Variants in DPP6 observed in about 807,000 individuals in gnomAD.
DPP6 encodes the protein dipeptidyl peptidase like 6, also known as A-type potassium channel modulatory protein DPP6.
Under a neutral mutation model 122.6 loss-of-function variants are expected in DPP6, and 69 were observed. The ratio of observed to expected loss-of-function variants is 0.56; its 90% confidence interval spans 0.46 to 0.69. The LOEUF (loss-of-function observed/expected upper bound fraction) is 0.69. DPP6 is among the 30% of genes least tolerant of loss of function. The probability of loss-of-function intolerance (pLI) is 0.00; values close to 1 mark genes in which losing one functional copy is unlikely to be tolerated. For synonymous variants in DPP6, 418 were observed against 433.1 expected, an observed-to-expected ratio of 0.97 and a Z score of 0.43; for missense variants, 928 against 1,116.9, an observed-to-expected ratio of 0.83 and a Z score of 2.41.
chr7:154,560,703 T>C (rs1203124389), intron 4 of DPP6, among the ~76,000 whole-genome samples: 2 of 152,080 alleles, frequency 1.3e-5, no homozygotes, highest in African/African-American at 4.8e-5. Context: ...GCCAACATTG[T>C]GAAACCACAT....
intron 1 of DPP6, among the ~76,000 whole-genome samples, chr7:154,351,634 G>A (rs562263744): frequency 6.6e-6 from 1 of 152,312 alleles, no homozygotes; most frequent in Admixed American, 6.5e-5. Flanking sequence ...GGAGAGCCTG[G>A]AATGTGCTGT....
intron 1 of DPP6, among the ~76,000 whole-genome samples, chr7:154,148,637 C>G (rs1278853700): frequency 6.6e-6 from 1 of 152,300 alleles, no homozygotes; most frequent in African/African-American, 2.4e-5. Context: ...TGCTCACAGC[C>G]TGCTCACTAC....
the DPP6 span, among the ~76,000 whole-genome samples, chr7:153,819,698 G>A: frequency 1.2e-3 from 184 of 152,192 alleles, no homozygotes; most frequent in African/African-American, 4.3e-3. Context: ...TAAGGAGGAC[G>A]GATGAAAGAA....
At chr7:153,891,018 ATTTT>A (rs71182849) in intron 1 of DPP6, among the ~76,000 whole-genome samples, 1 of 59,192 alleles carries the variant, frequency 1.7e-5, no homozygotes, top group Admixed American at 2.3e-4. Context: ...TTCTATTTTA[ATTTT>A]TTTTTTTTTT....
intron 1 of DPP6, among the ~76,000 whole-genome samples, chr7:154,029,845 CA>C (rs1289076235): frequency 6.2e-4 from 79 of 127,224 alleles, no homozygotes; most frequent in Non-Finnish European, 6.2e-4. Flanking sequence ...AACTCCATCT[CA>C]AAAAAAAAAA....
At chr7:153,774,542 G>C in the DPP6 span, among the ~76,000 whole-genome samples, 2 of 151,310 alleles carry the variant, frequency 1.3e-5, no homozygotes, top group African/African-American at 4.9e-5. Context: ...TCGCCACGTG[G>C]GTAATTTGGA....
rs1260954302 is a variant in DPP6, at chr7:154,035,686, A to G, written c.51+147952A>G. ...CCTAGAAAAGCTATGTGGAAAATGT[A>G]AAAGCATCAGGAAGCTCAAAGTTAC... is the stretch of plus-strand genomic sequence containing the variant. On this transcript the variant is annotated intron_variant, in intron 1 of 25. Transcript: ENST00000404039. Among the ~76,000 whole-genome samples the G allele has an allele frequency of 3.3e-5, 5 of 152,192 alleles. No individual in the cohort carries two copies. The East Asian group carries it at 9.6e-4, about 29-fold the overall frequency.
Position 154,089,540 on chromosome 7 carries a change from A to C in DPP6, c.243+36477A>C, listed in dbSNP as rs367972828. On this transcript the variant is annotated intron_variant, in intron 1 of 25. Coordinates refer to ENST00000377770, the MANE Select transcript of DPP6 (RefSeq NM_130797.4). ...TGGGTGTTAAATGAGACCACAAAGTAAAGTATCAAAGGCAGTGCCTGTCCC... is the reference window on the plus strand; with the variant it reads ...TGGGTGTTAAATGAGACCACAAAGTCAAGTATCAAAGGCAGTGCCTGTCCC... 1.9e-4 allele frequency among the ~76,000 whole-genome samples: 24 copies of C among 128,358 alleles called. 1 individual carries two copies. In the South Asian group the frequency reaches 6.8e-3, roughly 36 times the overall value. The allele number at this position is 128,358 out of a possible 152,430, so 84.2% of individuals were successfully genotyped here.
chr7:153,957,464 C>G (rs971238668), intron 1 of DPP6, among the ~76,000 whole-genome samples: 2 of 152,150 alleles, frequency 1.3e-5, no homozygotes, highest in African/African-American at 2.4e-5. Flanking sequence ...TTTGAATAAA[C>G]CTAAGTTAGT....
chr7:153,761,124 CCTT>C, the DPP6 span, among the ~76,000 whole-genome samples: 2 of 152,276 alleles, frequency 1.3e-5, no homozygotes, highest in South Asian at 4.1e-4. Context: ...AAATCAGTGT[CCTT>C]CTTCGCTTTC....
chr7:154,034,194 C>T lies in DPP6; in HGVS notation c.51+146460C>T, dbSNP rs1585207545. ...TAGGAAATAGTACAACCTAATTTTT[C>T]ATCTAAAGATAGAGGTATACCTGGT... On this transcript the variant is annotated intron_variant, in intron 1 of 25. Coordinates refer to the DPP6 transcript ENST00000404039. Among the ~76,000 whole-genome samples, 3 of 152,182 alleles carry T rather than the reference C, an allele frequency of 2.0e-5. No individual in the cohort carries two copies. The East Asian group carries it at 5.8e-4, about 29-fold the overall frequency.
At chr7:154,638,011 C>T (rs1835838976) in intron 6 of DPP6, 138 bp downstream of exon 6, 3 of 897,178 alleles carry the variant, frequency 3.3e-6, no homozygotes, top group South Asian at 3.4e-5. Flanking sequence ...TATCGTGGCA[C>T]CTCTGGGACT....
chr7:154,810,108 G>A (rs1798957455), intron 16 of DPP6, among the ~76,000 whole-genome samples: 1 of 152,158 alleles, frequency 6.6e-6, no homozygotes, highest in South Asian at 2.1e-4. Flanking sequence ...CACCTGCCTT[G>A]GCCTCCCAAA....
chr7:154,848,711 G>T (rs1802139164), intron 16 of DPP6, among the ~76,000 whole-genome samples: 1 of 152,166 alleles, frequency 6.6e-6, no homozygotes, highest in Non-Finnish European at 1.5e-5. Context: ...TGTGTCTTTG[G>T]GGTCCAAGCC....
chr7:154,153,247 G>A (rs1262953106), intron 1 of DPP6, among the ~76,000 whole-genome samples: 2 of 152,098 alleles, frequency 1.3e-5, no homozygotes, highest in Non-Finnish European at 2.9e-5. Context: ...GTGCAATGGC[G>A]GGATCTCGGC....
At chr7:154,738,882 C>CA (rs1842691789) in intron 8 of DPP6, among the ~76,000 whole-genome samples, 1 of 152,096 alleles carries the variant, frequency 6.6e-6, no homozygotes, top group Non-Finnish European at 1.5e-5. Context: ...CTGTGGGTAG[C>CA]AAAAAACAAA....
intron 3 of DPP6, among the ~76,000 whole-genome samples, chr7:154,518,411 T>G (rs762962784): frequency 3.3e-5 from 5 of 152,208 alleles, no homozygotes; most frequent in African/African-American, 1.2e-4. Flanking sequence ...TTTGGGTACA[T>G]AGAAAAAATT....
chr7:154,336,454 G>A (rs1006927913), intron 1 of DPP6, among the ~76,000 whole-genome samples: 9 of 152,156 alleles, frequency 5.9e-5, no homozygotes, highest in Non-Finnish European at 1.0e-4. Context: ...GGGGTATGGA[G>A]AACGCAGCCA....
chr7:153,889,998 G>T (rs1236296937), intron 1 of DPP6, among the ~76,000 whole-genome samples: 1 of 152,174 alleles, frequency 6.6e-6, no homozygotes, highest in Non-Finnish European at 1.5e-5. Context: ...AAGTTGCTTT[G>T]GAAGACTCTT....
Sources: gnomAD v4.1 joint callset for allele counts (sites outside exome capture counted in the v4.1 genomes callset) on GRCh38, gnomAD v4.1.1 for gene constraint, MANE v1.5 for transcripts, NCBI Gene and HGNC (gene_info 2026-07-23, HGNC 2026-07-21) for gene names.